Variants in SMYD3 observed in about 807,000 individuals in gnomAD.
SMYD3 encodes SET and MYND domain containing 3.
A neutral mutation model predicts 57.7 loss-of-function variants in SMYD3; 36 were observed. The ratio of observed to expected loss-of-function variants is 0.62; its 90% CI spans 0.48 to 0.82. SMYD3 has a LOEUF of 0.82. Among genes scored for constraint, SMYD3 ranks in the 40% least tolerant of loss-of-function variants. The pLI is 0.00. For missense variants in SMYD3, 515 were observed against 538.8 expected (o/e 0.96, Z 0.44); for synonymous variants, 211 against 195.0 (o/e 1.08, Z -0.68).
chr1:245,798,201 T>A (rs1264159836), intron 10 of SMYD3, among the ~76,000 whole-genome samples: 1 of 151,850 alleles, frequency 6.6e-6, no homozygotes, highest in African/African-American at 2.4e-5. Context: ...CCTACCCAGC[T>A]CCTTAGCCTG....
At chr1:246,213,253 A>C (rs915825063) in intron 5 of SMYD3, among the ~76,000 whole-genome samples, 1 of 152,132 alleles carries the variant, frequency 6.6e-6, no homozygotes, top group Non-Finnish European at 1.5e-5. Context: ...TCTAAACCCA[A>C]ACACCAAGGG....
At chr1:246,271,410 C>G (rs1001698888) in intron 5 of SMYD3, among the ~76,000 whole-genome samples, 1 of 152,054 alleles carries the variant, frequency 6.6e-6, no homozygotes, top group African/African-American at 2.4e-5. Context: ...CCTATGTTTT[C>G]TAGGAGTTTT....
chr1:246,012,415 G>A (rs894773184), intron 5 of SMYD3, among the ~76,000 whole-genome samples: 12 of 152,170 alleles, frequency 7.9e-5, no homozygotes, highest in Non-Finnish European at 1.3e-4. Flanking sequence ...CCCTTCATGG[G>A]TGCAACAGAA....
chr1:245,952,109 C>A (rs1414024765), intron 5 of SMYD3, among the ~76,000 whole-genome samples: 1 of 145,964 alleles, frequency 6.9e-6, no homozygotes, highest in Admixed American at 6.7e-5. Context: ...ATGTTGGTGT[C>A]AAAGAAAATA....
At chr1:246,438,767 A>T (rs2067418890) in intron 1 of SMYD3, among the ~76,000 whole-genome samples, 1 of 150,936 alleles carries the variant, frequency 6.6e-6, no homozygotes, top group Admixed American at 6.6e-5. Context: ...GGATGAAACC[A>T]TCAGATCATC....
intron 5 of SMYD3, 94 bp from the exon 6 acceptor site, chr1:245,930,031 G>A (rs1287883707): frequency 1.5e-5 from 15 of 1,015,356 alleles, no homozygotes; most frequent in Non-Finnish European, 2.0e-5. Flanking sequence ...AAATGTAGGA[G>A]CATCTTAGTA....
At chr1:245,797,841 A>AAAAAAC (rs1198665847) in intron 10 of SMYD3, among the ~76,000 whole-genome samples, 1 of 151,280 alleles carries the variant, frequency 6.6e-6, no homozygotes, top group Non-Finnish European at 1.5e-5. Context: ...AAAAAAAAAA[A>AAAAAAC]AAAAAAAGGT....
intron 1 of SMYD3, among the ~76,000 whole-genome samples, chr1:246,439,419 C>G (rs1485196926): frequency 6.6e-6 from 1 of 152,210 alleles, no homozygotes; most frequent in Admixed American, 6.5e-5. Context: ...ATAAAAAATA[C>G]TTCCCAGGAG....
At chr1:245,765,077 C>T in intron 10 of SMYD3, among the ~76,000 whole-genome samples, 1 of 128,432 alleles carries the variant, frequency 7.8e-6, no homozygotes, top group South Asian at 2.3e-4. Context: ...CACACACACA[C>T]AAAACCACAG....
intron 5 of SMYD3, among the ~76,000 whole-genome samples, chr1:246,097,929 T>A (rs2060943781): frequency 6.6e-6 from 1 of 152,220 alleles, no homozygotes; most frequent in South Asian, 2.1e-4. Context: ...CAATTATATT[T>A]TACAGACACC....
intron 5 of SMYD3, chr1:246,052,679 T>A (rs556979847): frequency 1.3e-5 from 2 of 152,366 alleles, no homozygotes; most frequent in African/African-American, 4.8e-5. Flanking sequence ...AAATGTGTTA[T>A]CTTGACTACT....
chr1:245,854,057 C>T (rs2051111469), intron 10 of SMYD3, among the ~76,000 whole-genome samples: 1 of 152,130 alleles, frequency 6.6e-6, no homozygotes, highest in Non-Finnish European at 1.5e-5. Flanking sequence ...AGTGTCATTC[C>T]CACCAGCACA....
chr1:246,444,900 TA>T (rs1231868308), intron 1 of SMYD3, among the ~76,000 whole-genome samples: 2 of 152,140 alleles, frequency 1.3e-5, no homozygotes, highest in Non-Finnish European at 2.9e-5. Context: ...AAATTTGACA[TA>T]GGGGTGCAGA....
intron 5 of SMYD3, among the ~76,000 whole-genome samples, chr1:246,275,817 C>G (rs1272001946): frequency 7.1e-6 from 1 of 141,798 alleles, no homozygotes; most frequent in Non-Finnish European, 1.5e-5. Flanking sequence ...TATTTAATGC[C>G]TCTAGTGGAG....
intron 5 of SMYD3, among the ~76,000 whole-genome samples, chr1:246,181,365 A>G (rs1193631613): frequency 6.6e-6 from 1 of 152,202 alleles, no homozygotes; most frequent in East Asian, 1.9e-4. Context: ...GCTGTGATGT[A>G]AGGAATCTGT....
intron 1 of SMYD3, among the ~76,000 whole-genome samples, chr1:246,358,808 C>A (rs2065945964): frequency 6.6e-6 from 1 of 152,134 alleles, no homozygotes; most frequent in Non-Finnish European, 1.5e-5. Flanking sequence ...TGGAATACAG[C>A]AAAAGCGGTG....
intron 8 of SMYD3, among the ~76,000 whole-genome samples, chr1:245,882,788 A>G (rs559083111): frequency 6.5e-4 from 99 of 152,358 alleles, no homozygotes; most frequent in African/African-American, 2.3e-3. Context: ...TAATAAAAAA[A>G]TCTAAATGAT....
Position 245,929,888 on chromosome 1 carries a change from C to G in SMYD3, c.581G>C (p.Gly194Ala), listed in dbSNP as rs1286479947. 1.2e-6 allele frequency: 2 copies of G among 1,613,796 alleles called. No homozygotes were observed. Among genetic ancestry groups the G allele is most frequent in the South Asian group, 2.2e-5 (2 of 91,068 alleles). Reference sequence around the variant, plus strand: ...ACCATACCTGGGATATAGGCCAACACCAACTTCCTGCATCTCCGCATTACA... The same window carrying G: ...ACCATACCTGGGATATAGGCCAACAGCAACTTCCTGCATCTCCGCATTACA... ...TICNAEMQEV[G>A]VGLYPSISLL... Residue 194 changes from glycine (G) to alanine (A), a missense_variant, in exon 6 of 12, where the codon GGT (glycine) becomes GCT (alanine). Transcript: ENST00000490107.
chr1:245,827,597 C>A (rs1414157772), intron 10 of SMYD3, among the ~76,000 whole-genome samples: 2 of 144,702 alleles, frequency 1.4e-5, no homozygotes, highest in Non-Finnish European at 3.0e-5. Flanking sequence ...GTTGGACACA[C>A]ACTCTCATAG....
Sources: allele counts gnomAD v4.1 joint callset (sites outside exome capture counted in the v4.1 genomes callset), GRCh38; gene constraint gnomAD v4.1.1; transcripts MANE v1.5; gene names NCBI Gene and HGNC (gene_info 2026-07-23, HGNC 2026-07-21).